Variants in CASZ1 observed in about 807,000 individuals in gnomAD.
CASZ1 encodes the protein castor zinc finger 1.
A neutral mutation model predicts 135.2 loss-of-function variants in CASZ1; 28 were observed. The ratio of observed to expected loss-of-function variants is 0.21; its 90% CI spans 0.15 to 0.28. The LOEUF is 0.28. CASZ1 is among the 10% of genes least tolerant of loss of function. The pLI is 1.00. For synonymous variants in CASZ1, 1,068 were observed against 1,073.4 expected (o/e 0.99, Z 0.10); for missense variants, 2,161 against 2,453.3 (o/e 0.88, Z 2.52).
intron 4 of CASZ1, among the ~76,000 whole-genome samples, chr1:10,687,550 C>T (rs1345334315): frequency 6.6e-6 from 1 of 152,274 alleles, no homozygotes; most frequent in East Asian, 1.9e-4. Flanking sequence ...GGGTGTATCC[C>T]TGTCTTTCTG....
intron 2 of CASZ1, among the ~76,000 whole-genome samples, chr1:10,734,376 T>C (rs1221437689): frequency 6.6e-6 from 1 of 152,152 alleles, no homozygotes; most frequent in African/African-American, 2.4e-5. Flanking sequence ...TTTGTTTTTT[T>C]TCGGTAATTA....
At chr1:10,660,923 G>A in intron 5 of CASZ1, 1 of 239,182 alleles carries the variant, frequency 4.2e-6, no homozygotes, top group Non-Finnish European at 8.2e-6. Flanking sequence ...CCAGGACAGG[G>A]AGCGGCAAGA....
rs980980734 is a variant in CASZ1 at position 10,759,241 on chromosome 1, A to G, written c.-77+1460T>C. ...TTGCATATATTTGAGCCTGCATCCCAGGATTCATGATCATCAGAGGAAGCA... is the reference window on the plus strand; with the variant it reads ...TTGCATATATTTGAGCCTGCATCCCGGGATTCATGATCATCAGAGGAAGCA... On this transcript the variant is annotated intron_variant, in intron 2 of 20. Coordinates refer to ENST00000377022, the MANE Select transcript of CASZ1 (RefSeq NM_001079843.3). The surrounding 1 kb of genome is among the most constrained non-coding windows in gnomAD (Gnocchi z 4.2). 6.6e-6 allele frequency among the ~76,000 whole-genome samples: 1 copy of G among 152,176 alleles called. No homozygotes were observed. The highest frequency in any genetic ancestry group is 6.5e-5 in the Admixed American group (1 of 15,276).
chr1:10,653,808 G>C lies in CASZ1; in HGVS notation c.2249C>G (p.Ser750Cys). 1 of 1,609,368 alleles carries C rather than the reference G, an allele frequency of 6.2e-7. No homozygotes were observed. The highest frequency in any genetic ancestry group is 2.2e-5 in the East Asian group (1 of 44,816). ...ASPTSQQSSA[S>C]LAAATAATEA... ...GGTGGCGGCAGTGGCGGCAGCCAGGGACGCAGAGGACTGCTGGCTGGTAGG... is the reference window on the plus strand; with the variant it reads ...GGTGGCGGCAGTGGCGGCAGCCAGGCACGCAGAGGACTGCTGGCTGGTAGG... Residue 750 changes from serine (S) to cysteine (C), a missense_variant, in exon 11 of 21, where the codon TCC (serine) becomes TGC (cysteine). Transcript: ENST00000377022.
In CASZ1 at chr1:10,639,383, G is replaced by A. The variant is rs769082314; in HGVS notation, c.4839C>T (p.Pro1613=). The part of the protein sequence containing the change: ...PAAEGPAPGP[P]ISLDGSLSLG... Reference sequence around the variant, plus strand: ...GCGACAGGGAGCCGTCCAGACTGATGGGAGGCCCGGGCGCGGGGCCCTCTG... The same window carrying A: ...GCGACAGGGAGCCGTCCAGACTGATAGGAGGCCCGGGCGCGGGGCCCTCTG... The change falls in exon 21 of 21, where the codon CCC becomes CCT. Residue 1613 remains proline (P), a synonymous_variant. Transcript: ENST00000377022. This position sits in a 1 kb window ranked among gnomAD's most constrained non-coding sequence, Gnocchi z 4.0. The A allele has an allele frequency of 6.5e-7, 1 of 1,543,478 alleles. No homozygotes were observed. The highest frequency in any genetic ancestry group is 1.7e-4 in the Middle Eastern group (1 of 5,788).
In CASZ1 at chr1:10,663,848, C is replaced by G. The variant is rs187503552; in HGVS notation, c.505+1235G>C. On this transcript the variant is annotated intron_variant, in intron 5 of 20. Transcript: ENST00000377022. ...GTTCCAGGCCCGCCTCTGCCAGCCC[C>G]GCTCTCCACTCCTCTGGGGGAAGGA... Among the ~76,000 whole-genome samples the G allele has an allele frequency of 3.1e-3, 471 of 152,318 alleles. 1 individual carries two copies. The highest frequency in any genetic ancestry group is 6.8e-3 in the Middle Eastern group (2 of 294).
At chr1:10,795,321 T>A (rs1641044207) in intron 1 of CASZ1, among the ~76,000 whole-genome samples, 1 of 152,164 alleles carries the variant, frequency 6.6e-6, no homozygotes, top group Admixed American at 6.5e-5. Flanking sequence ...CCCTTTGGTG[T>A]TCCCTGCGCC....
chr1:10,654,408 C>G lies in CASZ1; in HGVS notation c.1838+11G>C, dbSNP rs576753902. The G allele has an allele frequency of 6.2e-7, 1 of 1,609,242 alleles. No individual in the cohort carries two copies. The highest frequency in any genetic ancestry group is 1.1e-5 in the South Asian group (1 of 90,192). On this transcript the variant is annotated intron_variant, in intron 10 of 20. Coordinates refer to ENST00000377022, the MANE Select transcript of CASZ1 (RefSeq NM_001079843.3). ...TCTGCCCACGAAGGCCCCCACCAGG[C>G]TCCCGCTTACCTGCAGTGGAAGTGC...
rs1177447424 is a variant in CASZ1 at position 10,694,089 on chromosome 1, C to T, written c.-23-177G>A. 2.0e-5 allele frequency among the ~76,000 whole-genome samples: 3 copies of T among 151,632 alleles called. No individual in the cohort carries two copies. The highest frequency in any genetic ancestry group is 4.4e-5 in the Non-Finnish European group (3 of 67,884). ...CTCCGCGCCGCCCGCTTCTCACGCT[C>T]GGCCCCGCACGCGCCCGCGGGTCCG... On this transcript the variant is annotated intron_variant, in intron 3 of 20. Coordinates refer to ENST00000377022, the MANE Select transcript of CASZ1 (RefSeq NM_001079843.3). The surrounding 1 kb of genome is among the most constrained non-coding windows in gnomAD (Gnocchi z 6.6).
intron 5 of CASZ1, chr1:10,660,864 G>A (rs1643000870): frequency 3.1e-6 from 1 of 326,136 alleles, no homozygotes; most frequent in South Asian, 4.2e-5. Flanking sequence ...GGCCTAATAT[G>A]AAAGAGAAGT....
At chr1:10,680,893 C>T (rs1173441994) in intron 4 of CASZ1, among the ~76,000 whole-genome samples, 5 of 149,244 alleles carry the variant, frequency 3.4e-5, no homozygotes, top group Non-Finnish European at 7.4e-5. Flanking sequence ...TCACCCCCAT[C>T]TTTCTTTCTT....
chr1:10,654,423 A>T lies in CASZ1; in HGVS notation c.1834T>A (p.Cys612Ser). The change falls in exon 10 of 21, where the codon TGC (cysteine) becomes AGC (serine). Residue 612 changes from cysteine to serine, a missense_variant. By Grantham distance (112) the Cys-to-Ser change is moderately radical. Around this residue, in one of 7 missense-constraint regions of CASZ1, gnomAD observed 248 missense variants for 410.8 expected, o/e 0.60. Coordinates refer to ENST00000377022, the MANE Select transcript of CASZ1 (RefSeq NM_001079843.3). ...CCCCACCAGGCTCCCGCTTACCTGC[A>T]GTGGAAGTGCGTGGTCTTCTGTCCG... Reference protein sequence around the residue: ...FYGQKTTHFHCRRPGCTFTFK... With the variant: ...FYGQKTTHFHSRRPGCTFTFK... The T allele has an allele frequency of 6.2e-7, 1 of 1,613,598 alleles. No homozygotes were observed. Among genetic ancestry groups the T allele is most frequent in the Non-Finnish European group, 8.5e-7 (1 of 1,179,660 alleles).
chr1:10,693,424 A>T (rs1019473933), intron 4 of CASZ1, among the ~76,000 whole-genome samples: 7 of 150,206 alleles, frequency 4.7e-5, no homozygotes, highest in Non-Finnish European at 7.4e-5. Context: ...GCTTTCAAAA[A>T]CTAAACCACC....
chr1:10,653,736 C>A lies in CASZ1; in HGVS notation c.2321G>T (p.Gly774Val), dbSNP rs1642684015. The A allele has an allele frequency of 1.2e-6, 2 of 1,608,310 alleles. No individual in the cohort carries two copies. Among genetic ancestry groups the A allele is most frequent in the Non-Finnish European group, 1.7e-6 (2 of 1,177,244 alleles). ...GCCAGGCAGGCCCTGGGGCAGCAGC[C>A]CCGAGATCTTGCTGTTGGGAGGTTT... ...ATKPPNSKIS[G>V]LLPQGLPGSI... The change falls in exon 11 of 21, where the codon GGG becomes GTG. Residue 774 changes from glycine to valine, a missense_variant. By Grantham distance (109) the Gly-to-Val change is moderately radical (BLOSUM62 -3). Coordinates refer to ENST00000377022, the MANE Select transcript of CASZ1 (RefSeq NM_001079843.3).
At chr1:10,731,781 A>T (rs1639705541) in intron 2 of CASZ1, among the ~76,000 whole-genome samples, 1 of 152,110 alleles carries the variant, frequency 6.6e-6, no homozygotes, top group African/African-American at 2.4e-5. Flanking sequence ...CTCCAGCTGG[A>T]TTTTCTTCAT....
chr1:10,771,557 G>A (rs553229548), intron 1 of CASZ1, among the ~76,000 whole-genome samples: 1 of 152,076 alleles, frequency 6.6e-6, no homozygotes, highest in Non-Finnish European at 1.5e-5. Context: ...GCTTAATTTT[G>A]TATTTTAATT....
At chr1:10,678,597 G>A (rs529391246) in intron 4 of CASZ1, among the ~76,000 whole-genome samples, 4 of 152,252 alleles carry the variant, frequency 2.6e-5, no homozygotes, top group East Asian at 1.9e-4. Context: ...GCGCCGGCTC[G>A]CGCAGGGGCC....
intron 2 of CASZ1, among the ~76,000 whole-genome samples, chr1:10,734,306 G>A (rs1201555912): frequency 2.0e-5 from 3 of 148,792 alleles, no homozygotes; most frequent in Middle Eastern, 3.5e-3. Flanking sequence ...TCCCATGGCC[G>A]TGCCCTCCCT....
intron 4 of CASZ1, among the ~76,000 whole-genome samples, chr1:10,692,981 T>C (rs756800591): frequency 5.3e-5 from 8 of 152,156 alleles, no homozygotes; most frequent in Admixed American, 4.6e-4. Flanking sequence ...TGGTCAAAAT[T>C]TGGTTTCAAT....
Sources: gnomAD v4.1 joint callset for allele counts (sites outside exome capture counted in the v4.1 genomes callset) on GRCh38, gnomAD v4.1.1 for gene constraint, gnomAD v4.1.1 regional missense constraint, Gnocchi (gnomAD v3.1) non-coding constraint, MANE v1.5 for transcripts, NCBI Gene and HGNC (gene_info 2026-07-23, HGNC 2026-07-21) for gene names.